SRRM3: variants seen among roughly 807,000 people sequenced by gnomAD.
SRRM3 encodes the protein serine/arginine repetitive matrix 3.
In SRRM3, 27 loss-of-function variants were observed where a neutral mutation model predicts 66.2. The observed-to-expected ratio is 0.41, with a 90% CI of 0.30 to 0.56. The LOEUF is 0.56. SRRM3 is among the 20% of genes least tolerant of loss of function. The pLI, the probability that SRRM3 is intolerant of heterozygous loss-of-function variation, is 0.32. For synonymous variants in SRRM3, 391 were observed against 414.9 expected (o/e 0.94, Z 0.70); for missense variants, 918 against 991.9 (o/e 0.93, Z 1.00).
intron 2 of SRRM3, among the ~76,000 whole-genome samples, chr7:76,239,294 A>G (rs1554605323): frequency 6.6e-6 from 1 of 152,116 alleles, no homozygotes; most frequent in Non-Finnish European, 1.5e-5. Flanking sequence ...TCGGCCTCCC[A>G]AAGTGCTGGG....
intron 3 of SRRM3, among the ~76,000 whole-genome samples, chr7:76,251,126 G>A (rs1410580955): frequency 6.6e-6 from 1 of 152,232 alleles, no homozygotes; most frequent in Non-Finnish European, 1.5e-5. Context: ...ACCCAGGGCA[G>A]AGCCCTGCCC....
chr7:76,282,546 AC>A, intron 12 of SRRM3, 101 bp from the exon 13 acceptor site: 1 of 584,018 alleles, frequency 1.7e-6, no homozygotes, highest in Non-Finnish European at 2.6e-6. Flanking sequence ...AACTACACGG[AC>A]CCCGCCCCTC....
chr7:76,251,523 C>G (rs572242007), intron 3 of SRRM3, among the ~76,000 whole-genome samples: 13 of 152,132 alleles, frequency 8.5e-5, no homozygotes, highest in African/African-American at 3.1e-4. Context: ...TACAGGCGCA[C>G]GCTGCCACGC....
chr7:76,252,281 A>G (rs1184878795), intron 3 of SRRM3, among the ~76,000 whole-genome samples: 2 of 152,150 alleles, frequency 1.3e-5, no homozygotes, highest in Non-Finnish European at 2.9e-5. Flanking sequence ...TCATTTGCAC[A>G]TGAATTCTCA....
chr7:76,235,212 G>A lies in SRRM3; in HGVS notation c.146G>A (p.Arg49His), dbSNP rs1011587596. 13 of 1,551,670 alleles carry A rather than the reference G, an allele frequency of 8.4e-6. No individual in the cohort carries two copies. The African/African-American group carries it at 1.5e-4, about 18-fold the overall frequency. Residue 49 changes from arginine (R) to histidine (H), a missense_variant, in exon 2 of 15, where the codon CGC becomes CAC. Transcript: ENST00000611745. ...LRAAEPGLVK[R>H]AHREILDHER... is the part of the protein sequence containing the mutation. ...GCCGCGGAGCCGGGCCTGGTGAAGCGCGCGCACCGCGAGATCCTGGACCAC... is the reference window on the plus strand; with the variant it reads ...GCCGCGGAGCCGGGCCTGGTGAAGCACGCGCACCGCGAGATCCTGGACCAC...
chr7:76,211,554 A>C (rs1041917449), intron 1 of SRRM3, among the ~76,000 whole-genome samples: 3 of 152,082 alleles, frequency 2.0e-5, no homozygotes, highest in Non-Finnish European at 4.4e-5. Context: ...AGCGGTTTTG[A>C]TTTGGACAGA....
chr7:76,241,925 T>C (rs1801307303), intron 2 of SRRM3, among the ~76,000 whole-genome samples: 1 of 152,202 alleles, frequency 6.6e-6, no homozygotes, highest in Non-Finnish European at 1.5e-5. Context: ...GCTAGGTAAC[T>C]TATAAAGAAA....
intron 1 of SRRM3, among the ~76,000 whole-genome samples, chr7:76,212,464 C>CTTTTT (rs1173761653): frequency 3.1e-5 from 3 of 98,082 alleles, no homozygotes; most frequent in African/African-American, 4.2e-5. Context: ...GCAAGGTCTG[C>CTTTTT]TTTTTTTTTT....
At chr7:76,280,370 TC>T (rs1193800148) in intron 11 of SRRM3, among the ~76,000 whole-genome samples, 2 of 40,864 alleles carry the variant, frequency 4.9e-5, no homozygotes, top group African/African-American at 2.0e-4. Context: ...CCTCGCCCCC[TC>T]CCCCATCTGT....
At chr7:76,266,329 TTAA>T (rs1489004646) in intron 10 of SRRM3, among the ~76,000 whole-genome samples, 6 of 116,854 alleles carry the variant, frequency 5.1e-5, no homozygotes, top group Admixed American at 4.3e-4. Flanking sequence ...AATATAAATA[TTAA>T]TATATATTTC....
At chr7:76,214,412 G>T (rs574846588) in intron 1 of SRRM3, among the ~76,000 whole-genome samples, 1 of 152,296 alleles carries the variant, frequency 6.6e-6, no homozygotes, top group South Asian at 2.1e-4. Flanking sequence ...TAAATTAGCT[G>T]CTTAATTAAC....
chr7:76,241,090 T>TA (rs1801283372), intron 2 of SRRM3, among the ~76,000 whole-genome samples: 1 of 151,994 alleles, frequency 6.6e-6, no homozygotes, highest in Admixed American at 6.6e-5. Context: ...AGAGATGGGG[T>TA]TTCACCATGT....
intron 11 of SRRM3, 36 bp downstream of exon 11, chr7:76,267,471 C>G: frequency 1.6e-6 from 2 of 1,215,006 alleles, no homozygotes; most frequent in Admixed American, 4.8e-5. Context: ...GTTCCCGCGC[C>G]GCGGGCTGCG....
chr7:76,284,365 ACGGGGTTT>A (rs1802605764), intron 14 of SRRM3, among the ~76,000 whole-genome samples: 1 of 151,652 alleles, frequency 6.6e-6, no homozygotes, highest in Non-Finnish European at 1.5e-5. Context: ...TTTAGTAGAG[ACGGGGTTT>A]CACCATGTTA....
In SRRM3 at chr7:76,235,256, G is replaced by C; in HGVS notation, c.190G>C (p.Glu64Gln). The C allele has an allele frequency of 6.5e-7, 1 of 1,541,162 alleles. No individual in the cohort carries two copies. The highest frequency in any genetic ancestry group is 8.7e-7 in the Non-Finnish European group (1 of 1,151,388). Reference protein sequence around the residue: ...ILDHERKRRVELKCMELQEMM... With the variant: ...ILDHERKRRVQLKCMELQEMM... ...GGACCACGAGCGCAAGCGGCGGGTG[G>C]AGCTCAAGTGCATGGAGCTGCAGGA... Residue 64 changes from glutamate (E) to glutamine (Q), a missense_variant, in exon 2 of 15, where the codon GAG becomes CAG. Coordinates refer to ENST00000611745, the MANE Select transcript of SRRM3 (RefSeq NM_001110199.3).
At position 76,227,893 on chromosome 7, in the gene SRRM3, G is replaced by A. The variant is rs114903678; in HGVS notation, c.-39-7135G>A. On this transcript the variant is annotated intron_variant, in intron 1 of 14. Coordinates refer to ENST00000611745, the MANE Select transcript of SRRM3 (RefSeq NM_001110199.3). ...TGTTTTTCTGTTTGTTTTTTGAGAC[G>A]AAATCTCACTCTGTCACCCAGGCTG... 3.6e-3 allele frequency among the ~76,000 whole-genome samples: 540 copies of A among 152,074 alleles called. 3 individuals are homozygous for A. Among genetic ancestry groups the A allele is most frequent in the African/African-American group, 0.012 (503 of 41,460 alleles).
intron 1 of SRRM3, among the ~76,000 whole-genome samples, chr7:76,233,922 T>C (rs1801075923): frequency 6.6e-6 from 1 of 152,046 alleles, no homozygotes; most frequent in Non-Finnish European, 1.5e-5. Context: ...CCAGTTTCTG[T>C]GGCTCTGAAC....
intron 1 of SRRM3, 43 bp from the exon 2 acceptor site, chr7:76,234,985 G>A: frequency 2.5e-6 from 3 of 1,203,156 alleles, no homozygotes; most frequent in East Asian, 2.7e-5. Context: ...AACAGGTGGC[G>A]AAGAAGTGAC....
At position 76,282,862 on chromosome 7, in the gene SRRM3, C is replaced by T. The variant is rs1802563364; in HGVS notation, c.1585C>T (p.Pro529Ser). ...SPSRSPSPKK[P>S]LSRDKDGEGR... is the part of the protein sequence containing the mutation. ...CAGCCGCTCGCCGTCGCCCAAGAAG[C>T]CCCTCAGCCGGTGAGTGCCCGCCCG... The change falls in exon 13 of 15, where the codon CCC (proline) becomes TCC (serine). Residue 529 changes from proline (P) to serine (S), a missense_variant. Coordinates refer to ENST00000611745, the MANE Select transcript of SRRM3 (RefSeq NM_001110199.3). 6 of 1,447,832 alleles carry T rather than the reference C, an allele frequency of 4.1e-6. No individual in the cohort carries two copies. Among genetic ancestry groups the T allele is most frequent in the Non-Finnish European group, 5.4e-6 (6 of 1,104,658 alleles). 89.7% of individuals were successfully genotyped at this position (1,447,832 alleles called of 1,614,324 possible). A position where few individuals can be genotyped will look rare whatever the true frequency, so the allele number is the denominator to read the frequency against.
Sources: gnomAD v4.1 joint callset for allele counts (sites outside exome capture counted in the v4.1 genomes callset) on GRCh38, gnomAD v4.1.1 for gene constraint, MANE v1.5 for transcripts, NCBI Gene and HGNC (gene_info 2026-07-23, HGNC 2026-07-21) for gene names.